Variants in EYS observed in about 807,000 individuals in gnomAD.
EYS encodes EGF-like photoreceptor maintenance factor.
Under a neutral mutation model 282.1 loss-of-function variants are expected in EYS, and 250 were observed. That is an observed-to-expected ratio of 0.89 (90% CI 0.80 to 0.98). The LOEUF (loss-of-function observed/expected upper bound fraction) is 0.98. Among genes scored for constraint, EYS ranks in the 50% least tolerant of loss-of-function variants. EYS has a pLI of 0.00. For synonymous variants in EYS, 1,355 were observed against 1,282.9 expected (o/e 1.06, Z -1.20); for missense variants, 4,016 against 3,709.0 (o/e 1.08, Z -2.15).
chr6:65,061,974 T>G (rs1773587888), intron 12 of EYS, among the ~76,000 whole-genome samples: 1 of 151,980 alleles, frequency 6.6e-6, no homozygotes, highest in African/African-American at 2.4e-5. Flanking sequence ...TTGCTTCCTG[T>G]TTTCTCCTGT....
intron 22 of EYS, among the ~76,000 whole-genome samples, chr6:64,725,484 C>T (rs1399111272): frequency 6.6e-6 from 1 of 152,074 alleles, no homozygotes; most frequent in African/African-American, 2.4e-5. Flanking sequence ...ATGAGCTCAA[C>T]TGGTTTATCT....
chr6:64,812,145 TA>T (rs1397338414), intron 22 of EYS, among the ~76,000 whole-genome samples: 1 of 151,920 alleles, frequency 6.6e-6, no homozygotes, highest in Non-Finnish European at 1.5e-5. Flanking sequence ...TCCATTTGTA[TA>T]AAAAACATGT....
At chr6:65,439,830 A>G (rs1472429014) in intron 5 of EYS, among the ~76,000 whole-genome samples, 3 of 152,122 alleles carry the variant, frequency 2.0e-5, no homozygotes, top group Non-Finnish European at 2.9e-5. Flanking sequence ...CTCAACAAAC[A>G]TTCATAGACA....
At chr6:65,291,483 G>A (rs1204529714) in intron 12 of EYS, among the ~76,000 whole-genome samples, 1 of 151,424 alleles carries the variant, frequency 6.6e-6, no homozygotes, top group African/African-American at 2.4e-5. Flanking sequence ...AAGTGAGGTT[G>A]TATATTTATC....
chr6:65,133,291 A>AAAC (rs747296371), intron 12 of EYS, among the ~76,000 whole-genome samples: 10 of 151,926 alleles, frequency 6.6e-5, no homozygotes, highest in East Asian at 5.8e-4. Flanking sequence ...CAAAAAAAGC[A>AAAC]AACAACAACA....
intron 13 of EYS, among the ~76,000 whole-genome samples, chr6:65,038,048 A>G (rs1021745480): frequency 6.6e-6 from 1 of 151,672 alleles, no homozygotes; most frequent in Non-Finnish European, 1.5e-5. Context: ...ATGCATGGCA[A>G]AAAGGTTTAG....
intron 12 of EYS, among the ~76,000 whole-genome samples, chr6:65,181,824 A>T (rs1431349812): frequency 6.6e-6 from 1 of 152,126 alleles, no homozygotes; most frequent in Non-Finnish European, 1.5e-5. Context: ...TCCAACAAGG[A>T]TAGACTGGAT....
chr6:65,589,263 C>G (rs1010733960), intron 2 of EYS, among the ~76,000 whole-genome samples: 6 of 152,048 alleles, frequency 3.9e-5, no homozygotes, highest in Non-Finnish European at 5.9e-5. Flanking sequence ...GCACCAGGCA[C>G]TCTGCATGTT....
intron 24 of EYS, among the ~76,000 whole-genome samples, chr6:64,610,831 C>T (rs1014334048): frequency 4.6e-5 from 7 of 152,140 alleles, no homozygotes; most frequent in African/African-American, 1.7e-4. Context: ...TTATTTAATA[C>T]AGAAAACTTC....
At chr6:65,517,172 G>T (rs1410964783) in intron 2 of EYS, among the ~76,000 whole-genome samples, 4 of 151,828 alleles carry the variant, frequency 2.6e-5, no homozygotes, top group Non-Finnish European at 5.9e-5. Context: ...ACTACTGCGT[G>T]TGGAAGGGCT....
chr6:65,416,188 A>T (rs1767226051), intron 5 of EYS, among the ~76,000 whole-genome samples: 1 of 151,972 alleles, frequency 6.6e-6, no homozygotes, highest in Admixed American at 6.6e-5. Context: ...AACAAATTTG[A>T]AAAATGAGAC....
At chr6:64,679,949 T>C (rs888907033) in intron 22 of EYS, among the ~76,000 whole-genome samples, 1 of 152,178 alleles carries the variant, frequency 6.6e-6, no homozygotes, top group Non-Finnish European at 1.5e-5. Context: ...CTCTTATCTC[T>C]TCTACAACAG....
chr6:65,413,084 C>T (rs911952037), intron 5 of EYS, among the ~76,000 whole-genome samples: 1 of 152,050 alleles, frequency 6.6e-6, no homozygotes, highest in Admixed American at 6.5e-5. Context: ...TAATGGTCTC[C>T]ATGTTATGCT....
rs934928701 is a variant in EYS at position 65,003,810 on chromosome 6, A to G, written c.2138-6107T>C. Among the ~76,000 whole-genome samples, 4 of 147,662 alleles carry G rather than the reference A, an allele frequency of 2.7e-5. 1 individual carries two copies. Among genetic ancestry groups the G allele is most frequent in the Non-Finnish European group, 6.1e-5 (4 of 65,974 alleles). On this transcript the variant is annotated intron_variant, in intron 13 of 42. Transcript: ENST00000503581. ...AGAAATATATTTTAAAGGAGGTGAG[A>G]TAAAACCAAATAAGATAGTTTTTTG...
intron 19 of EYS, among the ~76,000 whole-genome samples, chr6:64,834,279 G>A (rs1019436384): frequency 6.6e-6 from 1 of 151,730 alleles, no homozygotes; most frequent in African/African-American, 2.4e-5. Flanking sequence ...ATAAAATAAG[G>A]CACAATATGT....
chr6:65,504,859 T>G (rs888710284), intron 2 of EYS, among the ~76,000 whole-genome samples: 1 of 151,756 alleles, frequency 6.6e-6, no homozygotes, highest in Non-Finnish European at 1.5e-5. Flanking sequence ...GAGTTATTAG[T>G]CTATAGTTTT....
chr6:64,742,626 G>T (rs1772415022), intron 22 of EYS, among the ~76,000 whole-genome samples: 1 of 152,162 alleles, frequency 6.6e-6, no homozygotes, highest in Admixed American at 6.5e-5. Context: ...TTTGGGAAGT[G>T]ATGGATGTGG....
chr6:63,727,737 A>AAAAAATAT (rs1554164607), intron 41 of EYS, among the ~76,000 whole-genome samples: 1 of 36,738 alleles, frequency 2.7e-5, no homozygotes, highest in African/African-American at 2.7e-4. Flanking sequence ...AAAAAAAAAA[A>AAAAAATAT]ATATATATAT....
intron 11 of EYS, chr6:65,331,542 T>C: frequency 1.0e-6 from 1 of 963,232 alleles, no homozygotes; most frequent in Non-Finnish European, 1.2e-6. Flanking sequence ...TATGAGACAA[T>C]ATCAAGAACT....
Sources: gnomAD v4.1 joint callset for allele counts (sites outside exome capture counted in the v4.1 genomes callset) on GRCh38, gnomAD v4.1.1 for gene constraint, MANE v1.5 for transcripts, NCBI Gene and HGNC (gene_info 2026-07-23, HGNC 2026-07-21) for gene names.